SAMD5: variants seen among roughly 807,000 people sequenced by gnomAD.
SAMD5 encodes sterile alpha motif domain containing 5, also known as sterile alpha motif domain-containing protein 5.
SAMD5 carries 13 observed loss-of-function variants against 11.3 expected under a neutral mutation model. That is an observed-to-expected ratio of 1.15 (90% CI 0.75 to 1.83). The LOEUF is 1.83. Ranked by LOEUF, SAMD5 falls within the 40% of genes most tolerant of loss-of-function variation. The pLI is 0.00. For synonymous variants in SAMD5, 129 were observed against 111.3 expected (o/e 1.16, Z -1.00); for missense variants, 255 against 239.1 (o/e 1.07, Z -0.44).
chr6:147,647,409 G>C (rs1369357169), intron 1 of SAMD5, among the ~76,000 whole-genome samples: 1 of 151,886 alleles, frequency 6.6e-6, no homozygotes, highest in East Asian at 1.9e-4. Flanking sequence ...AAGATTTGGA[G>C]CTTGAAAGAG....
At chr6:147,646,253 G>A (rs1326224123) in intron 1 of SAMD5, among the ~76,000 whole-genome samples, 3 of 152,108 alleles carry the variant, frequency 2.0e-5, no homozygotes, top group Admixed American at 1.3e-4. Flanking sequence ...ATAGACCAGC[G>A]TGGTGGTATG....
At chr6:147,608,462 A>G (rs1323043571) in intron 1 of SAMD5, among the ~76,000 whole-genome samples, 2 of 152,234 alleles carry the variant, frequency 1.3e-5, no homozygotes, top group African/African-American at 4.8e-5. Context: ...TCAGCCATTG[A>G]AAAGAATAAG....
chr6:147,877,889 A>ACACACAC, the SAMD5 span, among the ~76,000 whole-genome samples: 12 of 76,818 alleles, frequency 1.6e-4, no homozygotes, highest in African/African-American at 5.0e-4. Flanking sequence ...CACGATAGAT[A>ACACACAC]GATAGCTAGA....
At chr6:147,739,959 A>G (rs1459935927), downstream of SAMD5, among the ~76,000 whole-genome samples, 2 of 151,986 alleles carry the variant, frequency 1.3e-5, no homozygotes, top group Non-Finnish European at 2.9e-5. Flanking sequence ...AGCTGGGACT[A>G]TAGGCACATG....
chr6:147,910,204 C>A, the SAMD5 span, among the ~76,000 whole-genome samples: 1 of 152,076 alleles, frequency 6.6e-6, no homozygotes, highest in Non-Finnish European at 1.5e-5. Flanking sequence ...GAAGGGATCA[C>A]TTATTCACCA....
chr6:147,647,122 A>C (rs947308587), intron 1 of SAMD5, among the ~76,000 whole-genome samples: 1 of 152,034 alleles, frequency 6.6e-6, no homozygotes, highest in African/African-American at 2.4e-5. Context: ...AGCTAAGATC[A>C]TGCCATTGCA....
chr6:147,564,999 CTTATT>C lies in SAMD5; in HGVS notation c.*547_*551del, dbSNP rs1402786120. 39 of 891,702 alleles carry C rather than the reference CTTATT, an allele frequency of 4.4e-5. No individual in the cohort carries two copies. The highest frequency in any genetic ancestry group is 4.2e-4 in the South Asian group (8 of 19,132). 55.2% of individuals were successfully genotyped at this position (891,702 alleles called of 1,614,324 possible). A position where few individuals can be genotyped will look rare whatever the true frequency, so the allele number is the denominator to read the frequency against. On this transcript the variant is annotated 3_prime_UTR_variant, in exon 2 of 2. Coordinates refer to ENST00000367474, the MANE Select transcript of SAMD5 (RefSeq NM_001030060.3). ...TGTAGAATAGTTTGGTGAAGGAATTCTTATTTTAAGGTGCTTTTATATAGTTATTT... is the reference window on the plus strand; with the variant it reads ...TGTAGAATAGTTTGGTGAAGGAATTCTTAAGGTGCTTTTATATAGTTATTT...
chr6:147,678,547 T>C (rs1776038020), intron 1 of SAMD5, among the ~76,000 whole-genome samples: 1 of 149,776 alleles, frequency 6.7e-6, no homozygotes, highest in Non-Finnish European at 1.5e-5. Context: ...TTTTCTTAAG[T>C]CTACCAAAAC....
At chr6:147,558,725 G>T (rs1788897558) in intron 1 of SAMD5, among the ~76,000 whole-genome samples, 1 of 151,882 alleles carries the variant, frequency 6.6e-6, no homozygotes, top group African/African-American at 2.4e-5. Flanking sequence ...CTCCAAATGT[G>T]TGGGCCCACT....
chr6:147,898,395 T>C, the SAMD5 span, among the ~76,000 whole-genome samples: 2 of 152,204 alleles, frequency 1.3e-5, no homozygotes, highest in Admixed American at 1.3e-4. Context: ...TAGTCACTTA[T>C]TTATCTCCCT....
chr6:147,818,316 T>C, the SAMD5 span, among the ~76,000 whole-genome samples: 1 of 152,254 alleles, frequency 6.6e-6, no homozygotes, highest in Non-Finnish European at 1.5e-5. Context: ...TTTAGTGTGC[T>C]GATCAAAGCA....
chr6:147,565,781 T>C lies in SAMD5; in HGVS notation c.*1325T>C. 1.0e-6 allele frequency: 1 copy of C among 985,370 alleles called. No homozygotes were observed. Among genetic ancestry groups the C allele is most frequent in the Non-Finnish European group, 1.2e-6 (1 of 829,920 alleles). 61.0% of individuals were successfully genotyped at this position (985,370 alleles called of 1,614,324 possible). A position where few individuals can be genotyped will look rare whatever the true frequency, so the allele number is the denominator to read the frequency against. ...GGCCTGGATGCTGGTAGTTTTATTT[T>C]CTGCTTAGAAAACGCAACCATGTTG... is the stretch of plus-strand genomic sequence containing the variant. On this transcript the variant is annotated 3_prime_UTR_variant, in exon 2 of 2. Coordinates refer to ENST00000367474, the MANE Select transcript of SAMD5 (RefSeq NM_001030060.3).
chr6:147,661,450 G>A (rs1254733912), intron 1 of SAMD5, among the ~76,000 whole-genome samples: 1 of 152,142 alleles, frequency 6.6e-6, no homozygotes, highest in African/African-American at 2.4e-5. Context: ...TCTTTGAAGT[G>A]TAGGAGCATC....
At chr6:147,619,057 G>T (rs1789917870) in intron 1 of SAMD5, among the ~76,000 whole-genome samples, 1 of 152,180 alleles carries the variant, frequency 6.6e-6, no homozygotes, top group South Asian at 2.1e-4. Context: ...TCCCAAAGCT[G>T]TGTGATCACA....
intron 1 of SAMD5, among the ~76,000 whole-genome samples, chr6:147,607,005 G>A (rs2128448745): frequency 6.7e-6 from 1 of 148,766 alleles, no homozygotes; most frequent in Non-Finnish European, 1.5e-5. Context: ...TGAAGTCCTT[G>A]CCTTCTGCTT....
chr6:147,603,449 A>G (rs1789652914), intron 1 of SAMD5, among the ~76,000 whole-genome samples: 1 of 152,174 alleles, frequency 6.6e-6, no homozygotes, highest in African/African-American at 2.4e-5. Flanking sequence ...CATTCCCCAA[A>G]GGCAATCCTT....
the SAMD5 span, among the ~76,000 whole-genome samples, chr6:147,799,428 C>T: frequency 7.6e-4 from 115 of 151,798 alleles, no homozygotes; most frequent in Middle Eastern, 3.4e-3. Context: ...GGGTTTCTGC[C>T]GAGAGATCCG....
intron 1 of SAMD5, among the ~76,000 whole-genome samples, chr6:147,556,146 G>A (rs1473160715): frequency 6.6e-6 from 1 of 151,570 alleles, no homozygotes; most frequent in Non-Finnish European, 1.5e-5. Context: ...AGGCTGGAGT[G>A]CAGTGGTGTG....
chr6:147,795,778 T>C, the SAMD5 span, among the ~76,000 whole-genome samples: 1,719 of 149,648 alleles, frequency 0.011, 36 homozygotes, highest in African/African-American at 0.04. Context: ...TGAGATGGTA[T>C]CTCATTGTGG....
Sources: gnomAD v4.1 joint callset for allele counts (sites outside exome capture counted in the v4.1 genomes callset) on GRCh38, gnomAD v4.1.1 for gene constraint, MANE v1.5 for transcripts, NCBI Gene and HGNC (gene_info 2026-07-23, HGNC 2026-07-21) for gene names.